RIT2: variants seen among roughly 807,000 people sequenced by gnomAD.
The protein encoded by RIT2 is Ras like without CAAX 2.
A neutral mutation model predicts 23.7 loss-of-function variants in RIT2; 24 were observed. The observed-to-expected ratio is 1.01, with a 90% CI of 0.73 to 1.43. The LOEUF is 1.43. Among genes scored for constraint, RIT2 ranks in the 40% most tolerant of loss-of-function variants. The pLI is 0.00. For missense variants in RIT2, 236 were observed against 266.9 expected (o/e 0.88, Z 0.81); for synonymous variants, 107 against 91.1 (o/e 1.17, Z -0.99).
chr18:42,904,584 A>T (rs896424180), intron 4 of RIT2, among the ~76,000 whole-genome samples: 2 of 152,188 alleles, frequency 1.3e-5, no homozygotes, highest in Non-Finnish European at 2.9e-5. Flanking sequence ...TGCCCTAACT[A>T]CATTAGTTCT....
At chr18:42,928,318 G>A (rs1239675926) in intron 3 of RIT2, among the ~76,000 whole-genome samples, 1 of 151,934 alleles carries the variant, frequency 6.6e-6, no homozygotes, top group African/African-American at 2.4e-5. Flanking sequence ...TTGAGAAAAC[G>A]GCAAGAACAG....
chr18:42,936,455 TA>T (rs1367384586), intron 3 of RIT2, among the ~76,000 whole-genome samples: 2 of 152,158 alleles, frequency 1.3e-5, no homozygotes, highest in East Asian at 3.9e-4. Flanking sequence ...AGATTGTTGT[TA>T]ATGATGTTGT....
intron 4 of RIT2, among the ~76,000 whole-genome samples, chr18:42,785,214 G>T (rs1409400748): frequency 6.6e-6 from 1 of 152,056 alleles, no homozygotes; most frequent in African/African-American, 2.4e-5. Context: ...ATTTCTAAAA[G>T]ATGCTATCTA....
Position 42,896,002 on chromosome 18 carries a change from C to T in RIT2, c.426+27570G>A, listed in dbSNP as rs115203260. The stretch of plus-strand genomic sequence containing the variant: ...TTGCTGGTACAGTTTTCGTTTTTCA[C>T]GCCTGTAATCCTGGCACTTTGGGAG... On this transcript the variant is annotated intron_variant, in intron 4 of 4. Coordinates refer to ENST00000326695, the MANE Select transcript of RIT2 (RefSeq NM_002930.4). Among the ~76,000 whole-genome samples, 767 of 152,256 alleles carry T rather than the reference C, an allele frequency of 5.0e-3. 6 individuals carry two copies. The highest frequency in any genetic ancestry group is 0.017 in the African/African-American group (711 of 41,558).
intron 2 of RIT2, among the ~76,000 whole-genome samples, chr18:43,017,444 G>A (rs1229916177): frequency 6.6e-6 from 1 of 151,784 alleles, no homozygotes. Flanking sequence ...TAACACAATT[G>A]GTTCATGTTT....
chr18:42,849,465 TA>T (rs1170904371), intron 4 of RIT2, among the ~76,000 whole-genome samples: 1 of 152,192 alleles, frequency 6.6e-6, no homozygotes, highest in African/African-American at 2.4e-5. Flanking sequence ...TTCTCGTGGG[TA>T]AAAGTCAACT....
At chr18:42,939,613 T>G (rs1007812798) in intron 3 of RIT2, among the ~76,000 whole-genome samples, 4 of 152,086 alleles carry the variant, frequency 2.6e-5, no homozygotes, top group African/African-American at 9.7e-5. Context: ...AGAAAATACC[T>G]ATTTCAAGTT....
intron 4 of RIT2, among the ~76,000 whole-genome samples, chr18:42,866,958 TC>T (rs527869015): frequency 1.6e-4 from 24 of 152,310 alleles, no homozygotes; most frequent in African/African-American, 5.8e-4. Flanking sequence ...TAATTGAATC[TC>T]CTGCTTTAAG....
At chr18:42,931,312 A>G (rs148367701) in intron 3 of RIT2, among the ~76,000 whole-genome samples, 137 of 152,304 alleles carry the variant, frequency 9.0e-4, no homozygotes, top group African/African-American at 3.2e-3. Context: ...TCCTTAAACT[A>G]AATGGATAAA....
intron 4 of RIT2, among the ~76,000 whole-genome samples, chr18:42,856,815 T>TTC (rs199911019): frequency 2.7e-5 from 4 of 146,774 alleles, no homozygotes; most frequent in East Asian, 2.0e-4. Flanking sequence ...TCTTTTTCTT[T>TTC]TCTCTCTCTC....
Position 42,899,588 on chromosome 18 carries a change from C to A in RIT2, c.426+23984G>T, listed in dbSNP as rs150780934. ...CTTCTCATGAGAGCTATAGTGATTA[C>A]CTTTATTTCGATTCATGGTCAAAGC... On this transcript the variant is annotated intron_variant, in intron 4 of 4. Transcript: ENST00000326695. 1.8e-4 allele frequency among the ~76,000 whole-genome samples: 28 copies of A among 152,062 alleles called. No individual in the cohort carries two copies. In the East Asian group the frequency reaches 5.1e-3, roughly 28 times the overall value.
intron 3 of RIT2, among the ~76,000 whole-genome samples, chr18:42,949,471 A>G (rs754496782): frequency 4.6e-5 from 7 of 152,156 alleles, no homozygotes; most frequent in Non-Finnish European, 8.8e-5. Flanking sequence ...AAAGATCAAT[A>G]ACAGGGGTGA....
chr18:42,822,293 A>G (rs1906174245), intron 4 of RIT2, among the ~76,000 whole-genome samples: 1 of 152,184 alleles, frequency 6.6e-6, no homozygotes, highest in South Asian at 2.1e-4. Flanking sequence ...GGAATGCTTT[A>G]TAAATGGCCC....
chr18:43,062,883 T>C (rs879462033), intron 1 of RIT2, among the ~76,000 whole-genome samples: 10 of 152,104 alleles, frequency 6.6e-5, no homozygotes, highest in Non-Finnish European at 1.2e-4. Flanking sequence ...AACAGAAATA[T>C]GATATGGAAA....
chr18:42,857,723 G>A (rs1044039955), intron 4 of RIT2, among the ~76,000 whole-genome samples: 1 of 152,154 alleles, frequency 6.6e-6, no homozygotes. Context: ...TGATATGAAG[G>A]GGATCTTTAT....
chr18:42,922,075 T>TA (rs1909068537), intron 4 of RIT2, among the ~76,000 whole-genome samples: 1 of 152,094 alleles, frequency 6.6e-6, no homozygotes, highest in Non-Finnish European at 1.5e-5. Context: ...GAACAAATAT[T>TA]ACAGTTCCTA....
At chr18:42,762,788 C>T (rs972676385) in intron 4 of RIT2, among the ~76,000 whole-genome samples, 10 of 152,184 alleles carry the variant, frequency 6.6e-5, no homozygotes, top group African/African-American at 2.4e-4. Flanking sequence ...GGATTAGCAA[C>T]ATTTTTGTTG....
chr18:42,793,362 T>C lies in RIT2; in HGVS notation c.427-49642A>G, dbSNP rs573639087. On this transcript the variant is annotated intron_variant, in intron 4 of 4. Transcript: ENST00000326695. ...CTGTTGAACAGTACACAGGCATTTT[T>C]AATCATCCCTCATACATCTACTCTT... is the stretch of plus-strand genomic sequence containing the variant. Among the ~76,000 whole-genome samples, 44 of 152,344 alleles carry C rather than the reference T, an allele frequency of 2.9e-4. 1 individual carries two copies. In the South Asian group the frequency reaches 8.9e-3, roughly 31 times the overall value.
intron 2 of RIT2, among the ~76,000 whole-genome samples, chr18:43,015,085 G>T (rs1407361410): frequency 6.6e-6 from 1 of 151,652 alleles, no homozygotes; most frequent in Non-Finnish European, 1.5e-5. Flanking sequence ...CATGGTTGTG[G>T]GTAGATAGTA....
Sources: gnomAD v4.1 joint callset for allele counts (sites outside exome capture counted in the v4.1 genomes callset) on GRCh38, gnomAD v4.1.1 for gene constraint, MANE v1.5 for transcripts, NCBI Gene and HGNC (gene_info 2026-07-23, HGNC 2026-07-21) for gene names.